PANK3: variants seen among roughly 807,000 people sequenced by gnomAD.
PANK3 encodes hPanK3.
A neutral mutation model predicts 39.4 loss-of-function variants in PANK3; 20 were observed. That is an observed-to-expected ratio of 0.51 (90% CI 0.36 to 0.74). PANK3 has a LOEUF of 0.74. PANK3 is among the 30% of genes least tolerant of loss of function. The pLI, the probability that PANK3 is intolerant of heterozygous loss-of-function variation, is 0.00. For synonymous variants in PANK3, 140 were observed against 157.3 expected (o/e 0.89, Z 0.82); for missense variants, 265 against 437.0 (o/e 0.61, Z 3.51).
At chr5:168,558,558 G>C (rs998658775) in intron 6 of PANK3, among the ~76,000 whole-genome samples, 3 of 152,228 alleles carry the variant, frequency 2.0e-5, no homozygotes, top group African/African-American at 7.2e-5. Context: ...AATGATTCAA[G>C]TTAAGTTAAT....
intron 5 of PANK3, among the ~76,000 whole-genome samples, chr5:168,559,676 G>A (rs992155677): frequency 3.3e-5 from 5 of 152,002 alleles, no homozygotes; most frequent in Non-Finnish European, 7.4e-5. Context: ...AAGTCATTTG[G>A]AGACACATTA....
chr5:168,569,886 C>T (rs544627088), intron 1 of PANK3, among the ~76,000 whole-genome samples: 1 of 151,932 alleles, frequency 6.6e-6, no homozygotes, highest in African/African-American at 2.4e-5. Context: ...ATCCTGTCTC[C>T]GCAAAAAATT....
At chr5:168,575,552 G>A (rs969161121) in intron 1 of PANK3, among the ~76,000 whole-genome samples, 4 of 152,240 alleles carry the variant, frequency 2.6e-5, no homozygotes, top group South Asian at 2.1e-4. Flanking sequence ...TAATCCCAGC[G>A]GGAGGGTCAC....
intron 1 of PANK3, among the ~76,000 whole-genome samples, chr5:168,575,004 A>T (rs947183146): frequency 1.3e-4 from 20 of 150,016 alleles, no homozygotes; most frequent in African/African-American, 4.4e-4. Context: ...TAACCTTAAC[A>T]TTTTTTTTTT....
At chr5:168,574,944 G>A (rs79948436) in intron 1 of PANK3, among the ~76,000 whole-genome samples, 1,930 of 151,926 alleles carry the variant, frequency 0.013, 41 homozygotes, top group African/African-American at 0.045. Context: ...CTAGCCAAGA[G>A]ACCCTTGAAA....
intron 3 of PANK3, among the ~76,000 whole-genome samples, chr5:168,565,243 C>A (rs182240379): frequency 6.6e-6 from 1 of 152,162 alleles, no homozygotes; most frequent in Admixed American, 6.5e-5. Context: ...ATCTTTCTTC[C>A]TTAAACTGGA....
chr5:168,579,135 C>G, intron 1 of PANK3, 121 bp downstream of exon 1: 1 of 860,086 alleles, frequency 1.2e-6, no homozygotes. Context: ...CCTCCGCCCC[C>G]ATACCGGACG....
Position 168,554,175 on chromosome 5 carries a change from C to T in PANK3, c.*3396G>A, listed in dbSNP as rs542460963. 6.6e-6 allele frequency: 1 copy of T among 152,170 alleles called. No homozygotes were observed. The highest frequency in any genetic ancestry group is 1.9e-4 in the East Asian group (1 of 5,204). The allele number at this position is 152,170 out of a possible 1,614,324, so 9.4% of individuals were successfully genotyped here. A position where few individuals can be genotyped will look rare whatever the true frequency, so the allele number is the denominator to read the frequency against. On this transcript the variant is annotated 3_prime_UTR_variant, in exon 7 of 7. Coordinates refer to ENST00000239231, the MANE Select transcript of PANK3 (RefSeq NM_024594.4). ...TCAGATTTTTATGTTGGCAAGTTAACACTGGAGGTCCAATAGTTTAGTGAA... is the reference window on the plus strand; with the variant it reads ...TCAGATTTTTATGTTGGCAAGTTAATACTGGAGGTCCAATAGTTTAGTGAA...
intron 1 of PANK3, among the ~76,000 whole-genome samples, chr5:168,578,036 AAATTTT>A (rs1334638545): frequency 6.6e-6 from 1 of 152,234 alleles, no homozygotes; most frequent in African/African-American, 2.4e-5. Flanking sequence ...AATTTTTTAA[AAATTTT>A]AATTAACAGA....
rs1759401567 is a variant in PANK3, at chr5:168,559,109, G to C, written c.985C>G (p.Leu329Val). ...FVGNFLRVNTLSMKLLAYALD... is the reference protein window; with the variant it reads ...FVGNFLRVNTVSMKLLAYALD... ...GCATATGCCAAAAGTTTCATTGAGA[G>C]GGTATTGACACGTAAAAAGTTTCCA... The change falls in exon 6 of 7, where the codon CTC becomes GTC. Residue 329 changes from leucine to valine, a missense_variant. This residue lies in a region of PANK3 where 110 missense variants were observed against 161.2 expected (regional missense o/e 0.68). Coordinates refer to ENST00000239231, the MANE Select transcript of PANK3 (RefSeq NM_024594.4). 1 of 1,601,980 alleles carries C rather than the reference G, an allele frequency of 6.2e-7. No homozygotes were observed. The highest frequency in any genetic ancestry group is 1.7e-5 in the Admixed American group (1 of 59,618).
At chr5:168,577,563 T>G (rs1269578976) in intron 1 of PANK3, among the ~76,000 whole-genome samples, 1 of 152,128 alleles carries the variant, frequency 6.6e-6, no homozygotes, top group African/African-American at 2.4e-5. Flanking sequence ...GGTCTCGAAC[T>G]CCTGGCCTCC....
chr5:168,578,314 C>G (rs1029999841), intron 1 of PANK3, among the ~76,000 whole-genome samples: 25 of 152,176 alleles, frequency 1.6e-4, no homozygotes, highest in African/African-American at 6.0e-4. Context: ...CCCCGATAGG[C>G]GGGCAGGGAA....
At position 168,558,010 on chromosome 5, in the gene PANK3, C is replaced by G. The variant is rs140250852; in HGVS notation, c.1063-389G>C. On this transcript the variant is annotated intron_variant, in intron 6 of 6. Coordinates refer to ENST00000239231, the MANE Select transcript of PANK3 (RefSeq NM_024594.4). ...AGCTTCCAGGACTGTAACAGCAATT[C>G]TGCACCCTCTCCCCTTTACTTAATA... Among the ~76,000 whole-genome samples the G allele has an allele frequency of 7.2e-5, 11 of 152,232 alleles. No individual in the cohort carries two copies. In the East Asian group the frequency reaches 2.1e-3, roughly 29 times the overall value.
intron 3 of PANK3, 127 bp downstream of exon 3, chr5:168,565,886 T>TA (rs56668677): frequency 0.025 from 4,040 of 164,844 alleles, 214 homozygotes; most frequent in East Asian, 0.048. Context: ...TATATATATA[T>TA]TTTTTTTTTT....
In PANK3 at chr5:168,548,528, A is replaced by G. The variant is rs1008035044; in HGVS notation, c.*9043T>C. 1 of 152,242 alleles carries G rather than the reference A, an allele frequency of 6.6e-6. No individual in the cohort carries two copies. The highest frequency in any genetic ancestry group is 1.5e-5 in the Non-Finnish European group (1 of 68,044). 9.4% of individuals were successfully genotyped at this position (152,242 alleles called of 1,614,324 possible). On this transcript the variant is annotated 3_prime_UTR_variant, in exon 7 of 7. Transcript: ENST00000239231. ...AACTTAGATAATTTATTTAGAAAGTAGAAAATAAAAAGTATGATTCTAACA... is the reference window on the plus strand; with the variant it reads ...AACTTAGATAATTTATTTAGAAAGTGGAAAATAAAAAGTATGATTCTAACA...
Position 168,559,136 on chromosome 5 carries a change from C to T in PANK3, c.958G>A (p.Val320Ile). ...GTATTGACACGTAAAAAGTTTCCAACAAAGACAACTCTGTTTATTTTCTAA... is the reference window on the plus strand; with the variant it reads ...GTATTGACACGTAAAAAGTTTCCAATAAAGACAACTCTGTTTATTTTCTAA... ...VNEKINRVVFVGNFLRVNTLS... is the reference protein window; with the variant it reads ...VNEKINRVVFIGNFLRVNTLS... Residue 320 changes from valine to isoleucine, a missense_variant, in exon 6 of 7, where the codon GTT (valine) becomes ATT (isoleucine). By Grantham distance (29) the Val-to-Ile change is conservative. Around this residue, in one of 3 missense-constraint regions of PANK3, gnomAD observed 110 missense variants for 161.2 expected, o/e 0.68. Coordinates refer to ENST00000239231, the MANE Select transcript of PANK3 (RefSeq NM_024594.4). 1 of 1,551,376 alleles carries T rather than the reference C, an allele frequency of 6.4e-7. No homozygotes were observed. Among genetic ancestry groups the T allele is most frequent in the Non-Finnish European group, 8.8e-7 (1 of 1,137,868 alleles).
chr5:168,576,942 T>C (rs1306249681), intron 1 of PANK3, among the ~76,000 whole-genome samples: 3 of 151,970 alleles, frequency 2.0e-5, no homozygotes, highest in Non-Finnish European at 4.4e-5. Context: ...TGCAGTGGCG[T>C]GATCTCGGCT....
In PANK3 at chr5:168,551,478, T is replaced by C. The variant is rs1759271247; in HGVS notation, c.*6093A>G. Reference sequence around the variant, plus strand: ...TTCTAAACTACATTCTCAAATGCAATAGACTAAAATGCATAAAGTGCTCAA... The same window carrying C: ...TTCTAAACTACATTCTCAAATGCAACAGACTAAAATGCATAAAGTGCTCAA... On this transcript the variant is annotated 3_prime_UTR_variant, in exon 7 of 7. Transcript: ENST00000239231. The C allele has an allele frequency of 6.6e-6, 1 of 152,160 alleles. No individual in the cohort carries two copies. Among genetic ancestry groups the C allele is most frequent in the African/African-American group, 2.4e-5 (1 of 41,448 alleles). The allele number at this position is 152,160 out of a possible 1,614,324, so 9.4% of individuals were successfully genotyped here. A position where few individuals can be genotyped will look rare whatever the true frequency, so the allele number is the denominator to read the frequency against.
At chr5:168,570,987 G>A (rs533093759) in intron 1 of PANK3, among the ~76,000 whole-genome samples, 30 of 152,190 alleles carry the variant, frequency 2.0e-4, no homozygotes, top group South Asian at 1.0e-3. Flanking sequence ...GATTCCTGAC[G>A]TCTTACCTCA....
Sources: gnomAD v4.1 joint callset for allele counts (sites outside exome capture counted in the v4.1 genomes callset) on GRCh38, gnomAD v4.1.1 for gene constraint, gnomAD v4.1.1 regional missense constraint, MANE v1.5 for transcripts, NCBI Gene and HGNC (gene_info 2026-07-23, HGNC 2026-07-21) for gene names.